The following LRRC40 variants were observed in gnomAD, a reference collection of about 807,000 sequenced individuals.
LRRC40 encodes the protein leucine-rich repeat-containing protein 40.
In LRRC40, 76 loss-of-function variants were observed where a neutral mutation model predicts 72.8. The ratio of observed to expected loss-of-function variants is 1.04; its 90% CI spans 0.87 to 1.26. LRRC40 has a LOEUF of 1.26. LRRC40 is among the 50% of genes most tolerant of loss of function. The probability of loss-of-function intolerance (pLI) is 0.00; values close to 1 mark genes in which losing one functional copy is unlikely to be tolerated. For missense variants in LRRC40, 684 were observed against 698.9 expected, an observed-to-expected ratio of 0.98 and a Z score of 0.24; for synonymous variants, 243 against 254.2, an observed-to-expected ratio of 0.96 and a Z score of 0.42.
chr1:70,175,183 T>C (rs915252049), intron 7 of LRRC40, among the ~76,000 whole-genome samples: 4 of 152,136 alleles, frequency 2.6e-5, no homozygotes, highest in African/African-American at 9.7e-5. Flanking sequence ...GCAAGACACC[T>C]GCATGAGCGA....
At position 70,151,111 on chromosome 1, in the gene LRRC40, A is replaced by C; in HGVS notation, c.1517+17T>G. The C allele has an allele frequency of 7.1e-7, 1 of 1,398,986 alleles. No individual in the cohort carries two copies. Among genetic ancestry groups the C allele is most frequent in the Non-Finnish European group, 1.0e-6 (1 of 993,634 alleles). 86.7% of individuals were successfully genotyped at this position (1,398,986 alleles called of 1,614,324 possible). ...ATATTTCCACAGAATAACAATTAGA[A>C]TTGTCTGTTCTCTTACCTATTAAAG... On this transcript the variant is annotated intron_variant, in intron 13 of 14. Transcript: ENST00000370952.
intron 6 of LRRC40, among the ~76,000 whole-genome samples, chr1:70,177,412 G>A (rs1008045797): frequency 3.3e-5 from 5 of 152,146 alleles, no homozygotes; most frequent in African/African-American, 9.7e-5. Flanking sequence ...AGCCTATGTT[G>A]TGAGTATCCA....
At chr1:70,197,481 G>A (rs1053194519) in intron 1 of LRRC40, among the ~76,000 whole-genome samples, 16 of 151,724 alleles carry the variant, frequency 1.1e-4, no homozygotes, top group African/African-American at 3.9e-4. Context: ...GTCTCATTAT[G>A]TTGCCCAGAT....
intron 1 of LRRC40, among the ~76,000 whole-genome samples, chr1:70,201,818 CA>C (rs945268356): frequency 3.3e-5 from 5 of 150,792 alleles, no homozygotes; most frequent in Admixed American, 2.0e-4. Flanking sequence ...ACTAAAAATA[CA>C]AAAAAAAATT....
At chr1:70,150,559 C>CT (rs1189016155) in intron 13 of LRRC40, among the ~76,000 whole-genome samples, 4 of 152,202 alleles carry the variant, frequency 2.6e-5, no homozygotes, top group African/African-American at 9.6e-5. Flanking sequence ...AGAACAAAAT[C>CT]TAAGTTTCGT....
chr1:70,195,111 C>A lies in LRRC40; in HGVS notation c.152-5838G>T, dbSNP rs147622324. Among the ~76,000 whole-genome samples, 853 of 151,970 alleles carry A rather than the reference C, an allele frequency of 5.6e-3. 8 individuals are homozygous for A. Among genetic ancestry groups the A allele is most frequent in the Middle Eastern group, 0.024 (7 of 294 alleles). ...ATGTAAATGATGAAACTAAAAAATT[C>A]TAAAAGAAACAGAGGAAAAAATTTT... On this transcript the variant is annotated intron_variant, in intron 1 of 14. Coordinates refer to ENST00000370952, the MANE Select transcript of LRRC40 (RefSeq NM_017768.5).
intron 1 of LRRC40, among the ~76,000 whole-genome samples, chr1:70,193,483 C>A (rs1204983903): frequency 1.3e-5 from 2 of 151,660 alleles, no homozygotes; most frequent in East Asian, 3.9e-4. Flanking sequence ...AAAGTCCCCA[C>A]AAAGAAAATT....
chr1:70,167,454 TC>T (rs1667908047), intron 9 of LRRC40, among the ~76,000 whole-genome samples: 1 of 151,678 alleles, frequency 6.6e-6, no homozygotes, highest in African/African-American at 2.4e-5. Context: ...TCCCAGCTAC[TC>T]AGGAGGCTGA....
At chr1:70,174,921 TAA>T (rs1183155587) in intron 7 of LRRC40, among the ~76,000 whole-genome samples, 1 of 152,062 alleles carries the variant, frequency 6.6e-6, no homozygotes, top group African/African-American at 2.4e-5. Flanking sequence ...TTATTGTATA[TAA>T]GTTACATATT....
chr1:70,149,278 A>C (rs918261109), intron 13 of LRRC40, among the ~76,000 whole-genome samples: 3 of 152,216 alleles, frequency 2.0e-5, no homozygotes, highest in Admixed American at 6.6e-5. Context: ...TTTTAGCATG[A>C]GGTGAACTGC....
At chr1:70,161,606 T>C (rs1667764733) in intron 9 of LRRC40, among the ~76,000 whole-genome samples, 1 of 151,914 alleles carries the variant, frequency 6.6e-6, no homozygotes, top group Non-Finnish European at 1.5e-5. Context: ...TTTGGTGAGT[T>C]TGGAGGGCAT....
In LRRC40 at chr1:70,169,250, C is replaced by T. The variant is rs190095637; in HGVS notation, c.1111+4215G>A. Among the ~76,000 whole-genome samples, 141 of 152,326 alleles carry T rather than the reference C, an allele frequency of 9.3e-4. No individual in the cohort carries two copies. In the Middle Eastern group the frequency reaches 0.014, roughly 15 times the overall value. ...GAACCTATAAAACTCCCCTCCAGCA[C>T]CTGCCTCTTGGCAGACAGCCCCTTC... On this transcript the variant is annotated intron_variant, in intron 9 of 14. Transcript: ENST00000370952.
chr1:70,153,107 T>A lies in LRRC40; in HGVS notation c.1329-564A>T, dbSNP rs1667546770. Among the ~76,000 whole-genome samples the A allele has an allele frequency of 5.9e-5, 9 of 152,170 alleles. No individual in the cohort carries two copies. In the South Asian group the frequency reaches 1.7e-3, roughly 28 times the overall value. ...TGGGCACGGTGGCTCACACCTATAA[T>A]CTCAGCACTTTAGGAGGCTGAGGCA... On this transcript the variant is annotated intron_variant, in intron 11 of 14. Transcript: ENST00000370952.
At position 70,175,967 on chromosome 1, in the gene LRRC40, C is replaced by T. The variant is rs140809944; in HGVS notation, c.820G>A (p.Glu274Lys). The change falls in exon 7 of 15, where the codon GAA becomes AAA. Residue 274 changes from glutamate (E) to lysine (K), a missense_variant. Coordinates refer to ENST00000370952, the MANE Select transcript of LRRC40 (RefSeq NM_017768.5). ...GCCTCTAACATTTCAATCTGGTTTT[C>T]ACCTACGTGCAATTCCTACAAAATC... ...CSLLKELHVGENQIEMLEAEH... is the reference protein window; with the variant it reads ...CSLLKELHVGKNQIEMLEAEH... 11 of 1,568,432 alleles carry T rather than the reference C, an allele frequency of 7.0e-6. No homozygotes were observed. Among genetic ancestry groups the T allele is most frequent in the East Asian group, 2.4e-5 (1 of 42,094 alleles).
At position 70,205,442 on chromosome 1, in the gene LRRC40, C is replaced by G. The variant is rs1668923751; in HGVS notation, c.99G>C (p.Lys33Asn). Residue 33 changes from lysine (K) to asparagine (N), a missense_variant, in exon 1 of 15, where the codon AAG becomes AAC. Coordinates refer to ENST00000370952, the MANE Select transcript of LRRC40 (RefSeq NM_017768.5). ...TTAACTGGCCGCTCTTCCTCGCTGC[C>G]TTCAACAGCCCTTGGGGTACCGAGG... ...CGTSVPQGLL[K>N]AARKSGQLNL... 5 of 1,606,888 alleles carry G rather than the reference C, an allele frequency of 3.1e-6. No homozygotes were observed. Among genetic ancestry groups the G allele is most frequent in the Non-Finnish European group, 4.3e-6 (5 of 1,174,392 alleles).
intron 14 of LRRC40, 93 bp from the exon 15 acceptor site, chr1:70,145,998 G>C: frequency 1.6e-6 from 1 of 615,878 alleles, no homozygotes; most frequent in South Asian, 2.3e-5. Flanking sequence ...TAAAATTTCT[G>C]TATTTTTTTT....
In LRRC40 at chr1:70,160,096, C is replaced by T. The variant is rs551577765; in HGVS notation, c.1112-658G>A. ...TGGTATACATATTTTTTTAAATACACATTTTAAAAGAAATGGCTTTGTGTT... is the reference window on the plus strand; with the variant it reads ...TGGTATACATATTTTTTTAAATACATATTTTAAAAGAAATGGCTTTGTGTT... On this transcript the variant is annotated intron_variant, in intron 9 of 14. Coordinates refer to ENST00000370952, the MANE Select transcript of LRRC40 (RefSeq NM_017768.5). 5.0e-4 allele frequency among the ~76,000 whole-genome samples: 76 copies of T among 152,186 alleles called. No individual in the cohort carries two copies. The South Asian group carries it at 9.5e-3, about 19-fold the overall frequency.
chr1:70,202,846 A>T (rs910778098), intron 1 of LRRC40, among the ~76,000 whole-genome samples: 4 of 152,190 alleles, frequency 2.6e-5, no homozygotes, highest in African/African-American at 9.7e-5. Flanking sequence ...TTCGTTAAAA[A>T]ATTTTAAAGT....
In LRRC40 at chr1:70,205,484, A is replaced by C. The variant is rs958518649; in HGVS notation, c.57T>G (p.Gly19=). ...GQDLRAGFKA[G]GRDCGTSVPQ... ...GTACCGAGGTACCGCAGTCTCTTCC[A>C]CCTGCTTTGAAACCAGCGCGGAGAT... Residue 19 remains glycine, a synonymous_variant, in exon 1 of 15, where the codon GGT becomes GGG. Coordinates refer to ENST00000370952, the MANE Select transcript of LRRC40 (RefSeq NM_017768.5). 1 of 1,608,366 alleles carries C rather than the reference A, an allele frequency of 6.2e-7. No homozygotes were observed.
Sources: allele counts gnomAD v4.1 joint callset (sites outside exome capture counted in the v4.1 genomes callset), GRCh38; gene constraint gnomAD v4.1.1; transcripts MANE v1.5; gene names NCBI Gene and HGNC (gene_info 2026-07-23, HGNC 2026-07-21).